ODR4: variants seen among roughly 807,000 people sequenced by gnomAD.
ODR4 encodes the protein protein odr-4 homolog.
ODR4 carries 47 observed loss-of-function variants against 60.2 expected under a neutral mutation model. The observed-to-expected ratio is 0.78, with a 90% CI of 0.62 to 1.00. The LOEUF (loss-of-function observed/expected upper bound fraction) is 1.00. Ranked by LOEUF, ODR4 falls within the 50% of genes least tolerant of loss-of-function variation. ODR4 has a pLI of 0.00. For synonymous variants in ODR4, 178 were observed against 175.5 expected (o/e 1.01, Z -0.11); for missense variants, 488 against 530.8 (o/e 0.92, Z 0.79).
At chr1:186,428,643 T>G in the ODR4 span, among the ~76,000 whole-genome samples, 2 of 152,266 alleles carry the variant, frequency 1.3e-5, no homozygotes, top group African/African-American at 4.8e-5. Context: ...CGTCTTGTCT[T>G]TCGACATGCC....
chr1:186,380,032 T>A, intron 2 of ODR4, 148 bp downstream of exon 2: 1 of 523,926 alleles, frequency 1.9e-6, no homozygotes, highest in Non-Finnish European at 3.2e-6. Context: ...GAAGTAACTT[T>A]AAAGTAGGTC....
At chr1:186,388,922 A>G (rs1571668865) in intron 5 of ODR4, among the ~76,000 whole-genome samples, 1 of 152,290 alleles carries the variant, frequency 6.6e-6, no homozygotes, top group East Asian at 1.9e-4. Flanking sequence ...ATAGATAAGG[A>G]TGTACAATTC....
chr1:186,416,055 C>T (rs965201590), intron 12 of ODR4, among the ~76,000 whole-genome samples: 6 of 151,918 alleles, frequency 3.9e-5, no homozygotes, highest in South Asian at 2.1e-4. Context: ...CTTTGTGAGC[C>T]GCATAAGGTC....
chr1:186,401,527 T>C, intron 11 of ODR4: 1 of 185,504 alleles, frequency 5.4e-6, no homozygotes, highest in Non-Finnish European at 1.2e-5. Flanking sequence ...CTTCCTTCCT[T>C]CCTTCCTCTC....
intron 1 of ODR4, among the ~76,000 whole-genome samples, chr1:186,377,496 TAAGGTTAA>T (rs983275675): frequency 9.2e-5 from 14 of 152,168 alleles, no homozygotes; most frequent in African/African-American, 3.4e-4. Flanking sequence ...CTAGAAGAAA[TAAGGTTAA>T]AAGGTTAAAT....
intron 9 of ODR4, 124 bp downstream of exon 9, chr1:186,394,139 G>A: frequency 1.7e-6 from 1 of 599,026 alleles, no homozygotes; most frequent in Non-Finnish European, 2.9e-6. Context: ...GTATGAAATG[G>A]CTGGTTATAG....
intron 12 of ODR4, among the ~76,000 whole-genome samples, chr1:186,415,759 A>C (rs1661539769): frequency 6.6e-6 from 1 of 152,234 alleles, no homozygotes; most frequent in Admixed American, 6.5e-5. Flanking sequence ...CAGTTCACAC[A>C]CTTTCATTCA....
At chr1:186,401,229 T>C in intron 11 of ODR4, 1 of 1,426,378 alleles carries the variant, frequency 7.0e-7, no homozygotes, top group Non-Finnish European at 9.7e-7. Flanking sequence ...CTAACAGCAG[T>C]TGTACTGTTT....
chr1:186,400,362 A>G (rs1229142112), intron 11 of ODR4, among the ~76,000 whole-genome samples: 1 of 151,162 alleles, frequency 6.6e-6, no homozygotes, highest in African/African-American at 2.4e-5. Context: ...TGAAACATTC[A>G]TATTAGCTTC....
At chr1:186,430,864 T>A in the ODR4 span, among the ~76,000 whole-genome samples, 1 of 151,926 alleles carries the variant, frequency 6.6e-6, no homozygotes. Flanking sequence ...CTCCCTTTTT[T>A]TTTTTTTGTT....
intron 1 of ODR4, among the ~76,000 whole-genome samples, chr1:186,378,628 G>A (rs1659890080): frequency 6.6e-6 from 1 of 152,182 alleles, no homozygotes; most frequent in Non-Finnish European, 1.5e-5. Context: ...TCCTCATTAT[G>A]AGCGTGGTGT....
intron 2 of ODR4, among the ~76,000 whole-genome samples, chr1:186,382,659 A>G (rs2102017639): frequency 6.6e-6 from 1 of 152,342 alleles, no homozygotes; most frequent in East Asian, 1.9e-4. Flanking sequence ...TATAACTTAT[A>G]AAACAAATAT....
intron 7 of ODR4, among the ~76,000 whole-genome samples, chr1:186,391,376 A>T (rs1571672487): frequency 1.4e-5 from 2 of 141,168 alleles, no homozygotes; most frequent in African/African-American, 2.6e-5. Context: ...GACTTATTTG[A>T]TGCTTTTTTC....
At chr1:186,417,480 A>G in intron 12 of ODR4, 64 bp from the exon 13 acceptor site, 1 of 878,292 alleles carries the variant, frequency 1.1e-6, no homozygotes, top group East Asian at 2.7e-5. Flanking sequence ...AATGTTCTTT[A>G]AAGCTCAGTT....
intron 12 of ODR4, 28 bp downstream of exon 12, chr1:186,406,296 T>C (rs1661172120): frequency 2.0e-6 from 3 of 1,489,892 alleles, no homozygotes; most frequent in South Asian, 1.4e-5. Flanking sequence ...TTTAAGAACC[T>C]GGTTAGATTA....
At chr1:186,396,600 C>A (rs189000785) in intron 9 of ODR4, among the ~76,000 whole-genome samples, 60 of 152,160 alleles carry the variant, frequency 3.9e-4, no homozygotes, top group African/African-American at 1.2e-3. Context: ...CAGAACAAGA[C>A]CCTGCCTCAA....
At chr1:186,409,864 T>C (rs116549108) in intron 12 of ODR4, among the ~76,000 whole-genome samples, 1 of 152,128 alleles carries the variant, frequency 6.6e-6, no homozygotes, top group Non-Finnish European at 1.5e-5. Context: ...TTTAAAAAAA[T>C]GTCTGTGTAG....
intron 9 of ODR4, among the ~76,000 whole-genome samples, chr1:186,395,524 T>G (rs1475226027): frequency 6.6e-6 from 1 of 152,228 alleles, no homozygotes; most frequent in East Asian, 1.9e-4. Context: ...TTTCTCCCAG[T>G]TAAGTCTTAT....
intron 11 of ODR4, among the ~76,000 whole-genome samples, chr1:186,404,941 G>A (rs1661117193): frequency 1.3e-5 from 2 of 152,042 alleles, no homozygotes; most frequent in African/African-American, 4.8e-5. Flanking sequence ...TAGTTCATAA[G>A]GATCGTAGCA....
Sources: gnomAD v4.1 joint callset for allele counts (sites outside exome capture counted in the v4.1 genomes callset) on GRCh38, gnomAD v4.1.1 for gene constraint, MANE v1.5 for transcripts, NCBI Gene and HGNC (gene_info 2026-07-23, HGNC 2026-07-21) for gene names.